MCF2: variants seen among roughly 807,000 people sequenced by gnomAD.
MCF2 encodes the protein MCF.2 cell line derived transforming sequence.
A neutral mutation model predicts 82.5 loss-of-function variants in MCF2; 44 were observed. The ratio of observed to expected loss-of-function variants is 0.53; its 90% CI spans 0.42 to 0.69. The LOEUF is 0.69. Ranked by LOEUF, MCF2 falls within the 30% of genes least tolerant of loss-of-function variation. The pLI, the probability that MCF2 is intolerant of heterozygous loss-of-function variation, is 0.00. For synonymous variants in MCF2, 217 were observed against 224.9 expected (o/e 0.96, Z 0.32); for missense variants, 623 against 663.1 (o/e 0.94, Z 0.66).
intron 7 of MCF2, among the ~76,000 whole-genome samples, chrX:139,618,215 C>T (rs140798464): frequency 0.024 from 2,661 of 110,012 alleles, 29 homozygotes; most frequent in Middle Eastern, 0.041. Flanking sequence ...TACTCACTCC[C>T]CCCAGTGTAG....
At chrX:139,597,526 A>G (rs1191170722) in exon 18 of MCF2, 10 of 1,190,803 alleles carry the variant, frequency 8.4e-6, no homozygotes, top group Non-Finnish European at 1.1e-5. Flanking sequence ...CCAGCATTGC[A>G]TCGAGTGCCT....
chrX:139,703,780 G>A (rs1423378719), intron 1 of MCF2, among the ~76,000 whole-genome samples: 1 of 110,620 alleles, frequency 9.0e-6, no homozygotes, highest in Non-Finnish European at 1.9e-5. Context: ...ACACACACAA[G>A]GGAAAATGGG....
At chrX:139,601,964 T>C (rs1209921500) in intron 16 of MCF2, among the ~76,000 whole-genome samples, 1 of 111,453 alleles carries the variant, frequency 9.0e-6, no homozygotes. Flanking sequence ...GCAACCCTAT[T>C]ATACCACATG....
At chrX:139,666,907 T>A (rs1934537494) in intron 1 of MCF2, among the ~76,000 whole-genome samples, 1 of 112,074 alleles carries the variant, frequency 8.9e-6, no homozygotes, top group Non-Finnish European at 1.9e-5. Flanking sequence ...TCTTTTTTTA[T>A]CCTAATCTCT....
At chrX:139,630,585 A>G (rs928954946) in intron 3 of MCF2, among the ~76,000 whole-genome samples, 1 of 112,591 alleles carries the variant, frequency 8.9e-6, no homozygotes, top group Non-Finnish European at 1.9e-5. Flanking sequence ...TTGGCAATAC[A>G]TCTTCATGTG....
chrX:139,601,878 T>C (rs1930578557), intron 16 of MCF2, among the ~76,000 whole-genome samples: 2 of 110,062 alleles, frequency 1.8e-5, no homozygotes, highest in South Asian at 7.8e-4. Context: ...CTGGGAGAGG[T>C]TGGGGTAGAA....
At position 139,616,495 on chromosome X, in the gene MCF2, A is replaced by AG. The variant is rs757097004; in HGVS notation, c.1000-23_1000-22insC. The AG allele has an allele frequency of 6.2e-6, 4 of 649,796 alleles. No individual in the cohort carries two copies. In the South Asian group the frequency reaches 1.8e-4, roughly 30 times the overall value. 53.6% of individuals were successfully genotyped at this position (649,796 alleles called of 1,213,427 possible). On this transcript the variant is annotated intron_variant, in intron 8 of 24. Coordinates refer to ENST00000370576, the Ensembl canonical transcript of MCF2. ...GAGCCTGGTAAGAAAATCAAGAAGA[A>AG]AAAAAAAAAATATGAATTAATAAAG... is the stretch of plus-strand genomic sequence containing the variant.
At chrX:139,657,898 G>A (rs776585638) in intron 1 of MCF2, among the ~76,000 whole-genome samples, 1 of 111,872 alleles carries the variant, frequency 8.9e-6, no homozygotes, top group Non-Finnish European at 1.9e-5. Context: ...TAGATGAAAT[G>A]ACTTTCATGG....
chrX:139,606,066 A>G (rs1930986996), intron 12 of MCF2, among the ~76,000 whole-genome samples: 1 of 105,366 alleles, frequency 9.5e-6, no homozygotes, highest in African/African-American at 3.4e-5. Context: ...ACACATATAT[A>G]TGCTCAAGGG....
chrX:139,597,421 G>T, intron 18 of MCF2, 39 bp downstream of exon 22: 1 of 1,095,843 alleles, frequency 9.1e-7, no homozygotes, highest in Non-Finnish European at 1.3e-6. Flanking sequence ...TTGAGATGCC[G>T]ACCCTCTAAA....
rs773235083 is a variant in MCF2 at position 139,701,143 on chromosome X, C to T, written c.-45+6963G>A. On this transcript the variant is annotated intron_variant, in intron 1 of 27. Transcript: ENST00000414978. ...CCCAATCTGGTATTTAGGGGTTTCCCATTATAAGATTCTATACCTCCTCTT... is the reference window on the plus strand; with the variant it reads ...CCCAATCTGGTATTTAGGGGTTTCCTATTATAAGATTCTATACCTCCTCTT... Among the ~76,000 whole-genome samples the T allele has an allele frequency of 3.6e-5, 4 of 111,656 alleles. No homozygotes were observed. The South Asian group carries it at 1.2e-3, about 32-fold the overall frequency.
At chrX:139,583,702 C>T (rs185568269) in intron 24 of MCF2, among the ~76,000 whole-genome samples, 3 of 111,548 alleles carry the variant, frequency 2.7e-5, no homozygotes, top group African/African-American at 9.8e-5. Flanking sequence ...CTCAGCATCA[C>T]GCAGTATTCC....
chrX:139,658,350 T>C (rs370051260), intron 1 of MCF2, among the ~76,000 whole-genome samples: 56 of 107,058 alleles, frequency 5.2e-4, no homozygotes, highest in African/African-American at 1.3e-3. Flanking sequence ...GTTTTTTTTT[T>C]CCCCATAATG....
intron 1 of MCF2, among the ~76,000 whole-genome samples, chrX:139,705,320 A>T (rs753525088): frequency 2.1e-4 from 23 of 111,957 alleles, no homozygotes; most frequent in Admixed American, 9.5e-4. Context: ...TCAAAAACAA[A>T]CAAACAAACA....
chrX:139,604,825 A>C, intron 14 of MCF2, 44 bp downstream of exon 18: 1 of 1,068,078 alleles, frequency 9.4e-7, no homozygotes, highest in Non-Finnish European at 1.3e-6. Context: ...GAGCACTTTA[A>C]ATAGTTTTAT....
In MCF2 at chrX:139,652,272, T is replaced by C. The variant is rs1397313280; in HGVS notation, c.-44-484A>G. On this transcript the variant is annotated intron_variant, in intron 1 of 27. Transcript: ENST00000414978. ...ATCCCATTTTACAAGTGGTTAACCATATAGGCTTCTTAGTCTAGATAGACG... is the reference window on the plus strand; with the variant it reads ...ATCCCATTTTACAAGTGGTTAACCACATAGGCTTCTTAGTCTAGATAGACG... Among the ~76,000 whole-genome samples, 5 of 111,923 alleles carry C rather than the reference T, an allele frequency of 4.5e-5. No homozygotes were observed. In the South Asian group the frequency reaches 1.1e-3, roughly 25 times the overall value.
At chrX:139,651,899 G>A (rs1603300703) in intron 1 of MCF2, 111 bp from the exon 2 acceptor site, 1 of 454,001 alleles carries the variant, frequency 2.2e-6, no homozygotes, top group East Asian at 3.9e-5. Context: ...AGCCCCACAG[G>A]TCTGTGTCCA....
intron 24 of MCF2, among the ~76,000 whole-genome samples, chrX:139,583,599 G>C (rs1180664657): frequency 9.0e-6 from 1 of 111,137 alleles, no homozygotes; most frequent in Non-Finnish European, 1.9e-5. Flanking sequence ...GGGACTACTA[G>C]AGGGAGGAAA....
chrX:139,624,314 G>A (rs1003795074), intron 6 of MCF2, among the ~76,000 whole-genome samples: 1 of 110,810 alleles, frequency 9.0e-6, no homozygotes, highest in Non-Finnish European at 1.9e-5. Flanking sequence ...GCTGAGGCGG[G>A]AGGATTGTTT....
Sources: gnomAD v4.1 joint callset for allele counts (sites outside exome capture counted in the v4.1 genomes callset) on GRCh38, gnomAD v4.1.1 for gene constraint, MANE v1.5 for transcripts, NCBI Gene and HGNC (gene_info 2026-07-23, HGNC 2026-07-21) for gene names.